The following PFKFB3 variants were observed in gnomAD, a reference collection of about 807,000 sequenced individuals.
PFKFB3 encodes the protein 6-phosphofructo-2-kinase/fructose-2,6-biphosphatase 3.
PFKFB3 carries 33 observed loss-of-function variants against 68.0 expected under a neutral mutation model. That is an observed-to-expected ratio of 0.49 (90% CI 0.37 to 0.65). The LOEUF (loss-of-function observed/expected upper bound fraction) is 0.65, where lower values mean the gene tolerates loss of function less well. Ranked by LOEUF, PFKFB3 falls within the 30% of genes least tolerant of loss-of-function variation. The pLI is 0.00. For missense variants in PFKFB3, 586 were observed against 712.2 expected, an observed-to-expected ratio of 0.82 and a Z score of 2.02; for synonymous variants, 315 against 288.2, an observed-to-expected ratio of 1.09 and a Z score of -0.94.
intron 1 of PFKFB3, among the ~76,000 whole-genome samples, chr10:6,177,424 C>CTTTCTCTTT (rs1842530448): frequency 1.2e-4 from 4 of 33,554 alleles, no homozygotes; most frequent in African/African-American, 2.8e-4. Flanking sequence ...TCTCTTTCTT[C>CTTTCTCTTT]CTTTCTTTTC....
Position 6,215,042 on chromosome 10 carries a change from G to A in PFKFB3, c.203-179G>A, listed in dbSNP as rs1844468672. On this transcript the variant is annotated intron_variant, in intron 2 of 14. Transcript: ENST00000379775. The surrounding 1 kb of genome is among the most constrained non-coding windows in gnomAD (Gnocchi z 4.3). ...GGGGAAGCCGGGCAGCCTGTGCCCT[G>A]CTGTCCTCAGGAGTTGAGGGTAGCG... is the stretch of plus-strand genomic sequence containing the variant. 1.3e-5 allele frequency among the ~76,000 whole-genome samples: 2 copies of A among 152,204 alleles called. No homozygotes were observed. Among genetic ancestry groups the A allele is most frequent in the Non-Finnish European group, 2.9e-5 (2 of 68,034 alleles).
chr10:6,203,018 C>A lies in PFKFB3; in HGVS notation c.-243C>A. ...CCCGAGCATCCCAGAGCTTTCCGAG[C>A]GGACGAGCCGGCCGTGCCGGGCATC... On this transcript the variant is annotated 5_prime_UTR_variant, in exon 1 of 15. Coordinates refer to ENST00000379775, the MANE Select transcript of PFKFB3 (RefSeq NM_004566.4). 7.3e-7 allele frequency: 1 copy of A among 1,367,186 alleles called. No homozygotes were observed. Among genetic ancestry groups the A allele is most frequent in the East Asian group, 3.1e-5 (1 of 32,524 alleles). 84.7% of individuals were successfully genotyped at this position (1,367,186 alleles called of 1,614,324 possible).
At chr10:6,167,122 C>T (rs968848522) in intron 1 of PFKFB3, among the ~76,000 whole-genome samples, 2 of 152,102 alleles carry the variant, frequency 1.3e-5, no homozygotes, top group African/African-American at 4.8e-5. Flanking sequence ...GCCTGGCCTC[C>T]TAGCCTTTCT....
At chr10:6,252,470 A>G (rs892635769) in intron 14 of PFKFB3, among the ~76,000 whole-genome samples, 1 of 152,254 alleles carries the variant, frequency 6.6e-6, no homozygotes, top group Non-Finnish European at 1.5e-5. Flanking sequence ...CAAGGCATAC[A>G]TGCAGACAAA....
chr10:6,224,943 C>T (rs532435983), intron 13 of PFKFB3, among the ~76,000 whole-genome samples: 4 of 131,532 alleles, frequency 3.0e-5, no homozygotes, highest in South Asian at 2.6e-4. Flanking sequence ...ACCAAGAACA[C>T]GGTGTTGAGA....
chr10:6,244,564 G>T (rs994886157), intron 14 of PFKFB3, among the ~76,000 whole-genome samples: 1 of 152,166 alleles, frequency 6.6e-6, no homozygotes. Context: ...CCTTAGCCCA[G>T]TTGAGAATCT....
chr10:6,296,762 C>T, the PFKFB3 span, among the ~76,000 whole-genome samples: 1 of 152,172 alleles, frequency 6.6e-6, no homozygotes, highest in African/African-American at 2.4e-5. Context: ...TGAGGATGAC[C>T]AGAGGTCACT....
chr10:6,245,892 G>A (rs1431803040), intron 14 of PFKFB3: 2 of 152,330 alleles, frequency 1.3e-5, no homozygotes, highest in East Asian at 1.9e-4. Flanking sequence ...GGCAAACAGT[G>A]CCCTGGGAGT....
At chr10:6,209,839 A>T (rs1473008031) in intron 1 of PFKFB3, among the ~76,000 whole-genome samples, 1 of 137,320 alleles carries the variant, frequency 7.3e-6, no homozygotes, top group Non-Finnish European at 1.5e-5. Flanking sequence ...ACCTTGGCTC[A>T]CTGCAAGCTG....
At chr10:6,257,255 C>T (rs1846502524), downstream of PFKFB3, among the ~76,000 whole-genome samples, 1 of 152,168 alleles carries the variant, frequency 6.6e-6, no homozygotes, top group Admixed American at 6.5e-5. Flanking sequence ...CAGGTTCCAG[C>T]CTATTGTATC....
the PFKFB3 span, among the ~76,000 whole-genome samples, chr10:6,265,580 G>C: frequency 6.6e-6 from 1 of 152,136 alleles, no homozygotes; most frequent in African/African-American, 2.4e-5. Context: ...ATGAAGGCCT[G>C]TCACCCCACC....
At position 6,203,187 on chromosome 10, in the gene PFKFB3, G is replaced by C. The variant is rs1843448292; in HGVS notation, c.-74G>C. The C allele has an allele frequency of 6.4e-7, 1 of 1,563,748 alleles. No homozygotes were observed. On this transcript the variant is annotated 5_prime_UTR_variant, in exon 1 of 15. Coordinates refer to ENST00000379775, the MANE Select transcript of PFKFB3 (RefSeq NM_004566.4). The stretch of plus-strand genomic sequence containing the variant: ...GCCCCCCTCTCCTCCTTTGTTCCGG[G>C]GGTCGGCGGCCGCTCTCCTGCCAGC...
In PFKFB3 at chr10:6,210,346, G is replaced by T. The variant is rs200366745; in HGVS notation, c.77-3277G>T. On this transcript the variant is annotated intron_variant, in intron 1 of 14. Transcript: ENST00000379775. The stretch of plus-strand genomic sequence containing the variant: ...GGCGCCCCTCTCTTTGTTTTTTTTT[G>T]TTTTTTTTTGTTTTTTTGTTTTTTT... Among the ~76,000 whole-genome samples the T allele has an allele frequency of 8.6e-3, 281 of 32,752 alleles. 28 individuals carry two copies. Among genetic ancestry groups the T allele is most frequent in the African/African-American group, 0.015 (249 of 16,092 alleles). The allele number at this position is 32,752 out of a possible 152,430, so 21.5% of individuals were successfully genotyped here.
intron 1 of PFKFB3, among the ~76,000 whole-genome samples, chr10:6,184,130 G>A (rs1842803056): frequency 6.6e-6 from 1 of 151,968 alleles, no homozygotes; most frequent in Admixed American, 6.6e-5. Flanking sequence ...TCGGCTCACT[G>A]CAATCTCCGC....
At chr10:6,166,275 T>A (rs922538622) in intron 1 of PFKFB3, among the ~76,000 whole-genome samples, 1 of 151,886 alleles carries the variant, frequency 6.6e-6, no homozygotes, top group African/African-American at 2.4e-5. Context: ...GCTACCGTGG[T>A]AGAGATGGGG....
At chr10:6,209,468 CAAT>C (rs1844012039) in intron 1 of PFKFB3, among the ~76,000 whole-genome samples, 1 of 144,968 alleles carries the variant, frequency 6.9e-6, no homozygotes, top group South Asian at 2.2e-4. Flanking sequence ...GTGTTAAACT[CAAT>C]AATTTTTTTT....
At chr10:6,301,760 T>C in the PFKFB3 span, among the ~76,000 whole-genome samples, 3 of 152,198 alleles carry the variant, frequency 2.0e-5, no homozygotes, top group African/African-American at 7.2e-5. Context: ...CTCTAATTCA[T>C]CAGGATTCCT....
At chr10:6,174,242 TC>T (rs1307496813) in intron 1 of PFKFB3, among the ~76,000 whole-genome samples, 1 of 152,196 alleles carries the variant, frequency 6.6e-6, no homozygotes, top group East Asian at 1.9e-4. Context: ...ATCTGCTGGT[TC>T]CTTCATGCCA....
the PFKFB3 span, among the ~76,000 whole-genome samples, chr10:6,264,414 A>G: frequency 6.6e-6 from 1 of 152,178 alleles, no homozygotes; most frequent in African/African-American, 2.4e-5. Flanking sequence ...CATAAACTCT[A>G]TAGGTAACTT....
Sources: allele counts gnomAD v4.1 joint callset (sites outside exome capture counted in the v4.1 genomes callset), GRCh38; gene constraint gnomAD v4.1.1; non-coding constraint Gnocchi (gnomAD v3.1); transcripts MANE v1.5; gene names NCBI Gene and HGNC (gene_info 2026-07-23, HGNC 2026-07-21).